Variants in DNAH17 observed in about 807,000 individuals in gnomAD.
DNAH17 encodes axonemal beta dynein heavy chain 17.
DNAH17 carries 376 observed loss-of-function variants against 485.6 expected under a neutral mutation model. The ratio of observed to expected loss-of-function variants is 0.77; its 90% CI spans 0.71 to 0.84. The LOEUF is 0.84. Ranked by LOEUF, DNAH17 falls within the 40% of genes least tolerant of loss-of-function variation. DNAH17 has a pLI of 0.00. For synonymous variants in DNAH17, 3,031 were observed against 2,405.9 expected, an observed-to-expected ratio of 1.26 and a Z score of -7.60; for missense variants, 6,370 against 5,839.3, an observed-to-expected ratio of 1.09 and a Z score of -2.96.
chr17:78,425,101 C>T, intron 80 of DNAH17: 1 of 433,798 alleles, frequency 2.3e-6, no homozygotes, highest in Non-Finnish European at 4.2e-6. Context: ...TTCATTAAAG[C>T]AGAGGCCAGG....
chr17:78,513,667 C>G (rs933426239), intron 26 of DNAH17, among the ~76,000 whole-genome samples: 6 of 152,150 alleles, frequency 3.9e-5, no homozygotes, highest in African/African-American at 1.4e-4. Flanking sequence ...AACTCCTGGC[C>G]TCAAGTGATC....
Position 78,574,905 on chromosome 17 carries a change from C to G in DNAH17, c.153G>C (p.Val51=). 2.5e-6 allele frequency: 4 copies of G among 1,614,038 alleles called. No individual in the cohort carries two copies. The highest frequency in any genetic ancestry group is 3.4e-6 in the Non-Finnish European group (4 of 1,179,872). The part of the protein sequence containing the change: ...TEFFEKPDVQ[V]LVLTLNAAGM... Reference sequence around the variant, plus strand: ...CGGCTGCATTGAGCGTCAGCACCAGCACCTGGACGTCGGGCTTTTCAAAGA... The same window carrying G: ...CGGCTGCATTGAGCGTCAGCACCAGGACCTGGACGTCGGGCTTTTCAAAGA... Residue 51 remains valine (V), a synonymous_variant, in exon 2 of 81, where the codon GTG becomes GTC. Coordinates refer to ENST00000389840, the MANE Select transcript of DNAH17 (RefSeq NM_173628.4).
At chr17:78,453,128 T>G (rs540858383) in intron 65 of DNAH17, among the ~76,000 whole-genome samples, 2 of 152,234 alleles carry the variant, frequency 1.3e-5, no homozygotes, top group Non-Finnish European at 2.9e-5. Flanking sequence ...TGATAAAATG[T>G]TGGCGGAGAT....
chr17:78,433,934 A>AGGGAAGGAGGGAGGGAAGGAGGGC, intron 75 of DNAH17, 95 bp downstream of exon 75: 1 of 846,976 alleles, frequency 1.2e-6, no homozygotes, highest in East Asian at 2.9e-5. Flanking sequence ...GGAAGGAGGG[A>AGGGAAGGAGGGAGGGAAGGAGGGC]GGGAAGGAGG....
At position 78,456,807 on chromosome 17, in the gene DNAH17, C is replaced by T. The variant is rs114052665; in HGVS notation, c.9978-971G>A. Among the ~76,000 whole-genome samples the T allele has an allele frequency of 7.4e-3, 1,127 of 152,318 alleles. 16 individuals are homozygous for T. Among genetic ancestry groups the T allele is most frequent in the African/African-American group, 0.025 (1,036 of 41,566 alleles). On this transcript the variant is annotated intron_variant, in intron 62 of 80. Transcript: ENST00000389840. ...CAGGTGAGGTTAAATCCCTCATACC[C>T]GGGGCACCACCCTGAAGACCAGCCT...
intron 69 of DNAH17, among the ~76,000 whole-genome samples, chr17:78,446,173 C>CCAAAAA (rs1491135647): frequency 2.1e-4 from 12 of 57,396 alleles, no homozygotes; most frequent in African/African-American, 7.7e-4. Flanking sequence ...GACTCTGTCT[C>CCAAAAA]AAAAAAAAAA....
Position 78,570,951 on chromosome 17 carries a change from C to G in DNAH17, c.915G>C (p.Thr305=). The change falls in exon 6 of 81, where the codon ACG becomes ACC. Residue 305 remains threonine, a synonymous_variant. Coordinates refer to ENST00000389840, the MANE Select transcript of DNAH17 (RefSeq NM_173628.4). ...LLEEMEQADF[T]MLPTFIAKVL... ...CGGCTCTCCCTTGCCTGCGCACCAT[C>G]GTGAAGTCGGCTTGTTCCATCTCCT... 6.3e-7 allele frequency: 1 copy of G among 1,586,064 alleles called. No homozygotes were observed. Among genetic ancestry groups the G allele is most frequent in the Non-Finnish European group, 8.6e-7 (1 of 1,166,276 alleles).
intron 54 of DNAH17, among the ~76,000 whole-genome samples, chr17:78,473,244 C>T (rs2088849046): frequency 6.6e-6 from 1 of 152,154 alleles, no homozygotes; most frequent in African/African-American, 2.4e-5. Flanking sequence ...ACAGAAGCGG[C>T]TTAAGAAATG....
At chr17:78,498,151 A>G (rs1358890798) in intron 37 of DNAH17, among the ~76,000 whole-genome samples, 1 of 131,296 alleles carries the variant, frequency 7.6e-6, no homozygotes, top group African/African-American at 3.1e-5. Context: ...CAAAAAAACA[A>G]AACATAAATA....
Position 78,486,231 on chromosome 17 carries a change from T to C in DNAH17, c.7094A>G (p.Gln2365Arg), listed in dbSNP as rs2089602759. ...CFWAFGGAMF[Q>R]DQLVDYRVEF... ...GCCCCCCAGGTGCATCACCTGGTCCTGGAACATGGCGCCACCGAAGGCCCA... is the reference window on the plus strand; with the variant it reads ...GCCCCCCAGGTGCATCACCTGGTCCCGGAACATGGCGCCACCGAAGGCCCA... The change falls in exon 45 of 81, where the codon CAG (glutamine) becomes CGG (arginine). Residue 2365 changes from glutamine (Q) to arginine (R), a missense_variant. By Grantham distance (43) the Gln-to-Arg change is conservative. Transcript: ENST00000389840. 5 of 1,588,632 alleles carry C rather than the reference T, an allele frequency of 3.1e-6. No individual in the cohort carries two copies. Among genetic ancestry groups the C allele is most frequent in the Non-Finnish European group, 4.3e-6 (5 of 1,164,760 alleles).
At chr17:78,496,225 C>T (rs1004386051) in intron 37 of DNAH17, among the ~76,000 whole-genome samples, 193 bp from the exon 38 acceptor site, 1 of 151,988 alleles carries the variant, frequency 6.6e-6, no homozygotes, top group Non-Finnish European at 1.5e-5. Flanking sequence ...GGAAATAATA[C>T]AGAGGGCCAG....
intron 77 of DNAH17, among the ~76,000 whole-genome samples, chr17:78,428,146 G>T (rs2086542875): frequency 6.6e-6 from 1 of 152,166 alleles, no homozygotes; most frequent in South Asian, 2.1e-4. Flanking sequence ...ACATCCGGCT[G>T]CCCGGTGCGA....
chr17:78,519,093 A>G (rs891271937), intron 25 of DNAH17, among the ~76,000 whole-genome samples: 6 of 146,422 alleles, frequency 4.1e-5, no homozygotes, highest in Admixed American at 1.4e-4. Flanking sequence ...GCGTGAACCC[A>G]GGAGGTGGAG....
At chr17:78,494,384 C>T (rs1036972766) in intron 40 of DNAH17, among the ~76,000 whole-genome samples, 4 of 152,066 alleles carry the variant, frequency 2.6e-5, no homozygotes, top group African/African-American at 9.7e-5. Flanking sequence ...CCTGAAGCCC[C>T]CCCAGCCTCA....
intron 11 of DNAH17, among the ~76,000 whole-genome samples, chr17:78,562,284 T>C (rs1302824725): frequency 1.3e-5 from 2 of 152,054 alleles, no homozygotes; most frequent in African/African-American, 4.8e-5. Context: ...TAAGGAAGAC[T>C]TAAACAATTA....
intron 75 of DNAH17, among the ~76,000 whole-genome samples, chr17:78,430,577 AT>A (rs2086637813): frequency 6.6e-6 from 1 of 152,138 alleles, no homozygotes; most frequent in Non-Finnish European, 1.5e-5. Flanking sequence ...ATATGTATAT[AT>A]TTTTTAGGTT....
intron 14 of DNAH17, among the ~76,000 whole-genome samples, chr17:78,557,029 C>G (rs559912221): frequency 2.5e-4 from 38 of 152,178 alleles, no homozygotes; most frequent in Non-Finnish European, 3.1e-4. Flanking sequence ...GACCGCCCCC[C>G]ACCTCCAACA....
In DNAH17 at chr17:78,454,570, C is replaced by T. The variant is rs368032819; in HGVS notation, c.10306G>A (p.Glu3436Lys). The change falls in exon 64 of 81, where the codon GAG (glutamate) becomes AAG (lysine). Residue 3436 changes from glutamate to lysine, a missense_variant. Physicochemically the swap from Glu to Lys is moderately conservative, Grantham distance 56. Coordinates refer to ENST00000389840, the MANE Select transcript of DNAH17 (RefSeq NM_173628.4). ...TENATILGNTERWPLIVDAQL... is the reference protein window; with the variant it reads ...TENATILGNTKRWPLIVDAQL... Reference sequence around the variant, plus strand: ...GCGTCCACGATCAGCGGCCACCGCTCGGTGTTGCCCAGGATGGTGGCATTC... The same window carrying T: ...GCGTCCACGATCAGCGGCCACCGCTTGGTGTTGCCCAGGATGGTGGCATTC... 2.4e-5 allele frequency: 39 copies of T among 1,612,748 alleles called. No homozygotes were observed. The highest frequency in any genetic ancestry group is 3.3e-4 in the Middle Eastern group (2 of 6,062).
At chr17:78,571,907 G>A (rs999134400) in intron 3 of DNAH17, 125 bp from the exon 4 acceptor site, 7 of 911,658 alleles carry the variant, frequency 7.7e-6, no homozygotes, top group Non-Finnish European at 1.1e-5. Flanking sequence ...CTGGTCTCAT[G>A]TCCCTGGTGC....
Sources: allele counts gnomAD v4.1 joint callset (sites outside exome capture counted in the v4.1 genomes callset), GRCh38; gene constraint gnomAD v4.1.1; transcripts MANE v1.5; gene names NCBI Gene and HGNC (gene_info 2026-07-23, HGNC 2026-07-21).